The following DLGAP4 variants were observed in gnomAD, a reference collection of about 807,000 sequenced individuals.
DLGAP4 encodes disks large-associated protein 4.
Under a neutral mutation model 86.9 loss-of-function variants are expected in DLGAP4, and 18 were observed. The ratio of observed to expected loss-of-function variants is 0.21; its 90% CI spans 0.14 to 0.31. The LOEUF (loss-of-function observed/expected upper bound fraction) is 0.31. DLGAP4 is among the 10% of genes least tolerant of loss of function. The pLI is 1.00. For synonymous variants in DLGAP4, 548 were observed against 574.3 expected, an observed-to-expected ratio of 0.95 and a Z score of 0.65; for missense variants, 1,085 against 1,362.6, an observed-to-expected ratio of 0.80 and a Z score of 3.21.
intron 11 of DLGAP4, among the ~76,000 whole-genome samples, chr20:36,524,851 G>A (rs1040715074): frequency 6.6e-6 from 1 of 151,950 alleles, no homozygotes; most frequent in African/African-American, 2.4e-5. Context: ...GTGGTGAGCC[G>A]AGATCGTGCC....
chr20:36,446,593 AC>A, intron 6 of DLGAP4, 103 bp from the exon 7 acceptor site: 2 of 1,097,656 alleles, frequency 1.8e-6, no homozygotes, highest in South Asian at 1.5e-5. Context: ...CTGAGGTCAG[AC>A]CCCACAGACT....
intron 5 of DLGAP4, among the ~76,000 whole-genome samples, chr20:36,441,016 C>T (rs2033431849): frequency 6.6e-6 from 1 of 152,078 alleles, no homozygotes; most frequent in African/African-American, 2.4e-5. Flanking sequence ...GCCCAGGGAG[C>T]CCCCTGCCCC....
intron 2 of DLGAP4, among the ~76,000 whole-genome samples, chr20:36,420,110 AC>A (rs2032780037): frequency 1.3e-5 from 2 of 152,020 alleles, no homozygotes; most frequent in Non-Finnish European, 2.9e-5. Flanking sequence ...AAACTTAACT[AC>A]CCTGTAGCTG....
intron 1 of DLGAP4, among the ~76,000 whole-genome samples, chr20:36,351,221 T>C (rs1555893438): frequency 6.6e-6 from 1 of 152,208 alleles, no homozygotes; most frequent in Non-Finnish European, 1.5e-5. Flanking sequence ...GGGCAAGACC[T>C]GGGGTGTCAT....
At chr20:36,428,613 T>G (rs1382431187) in intron 2 of DLGAP4, among the ~76,000 whole-genome samples, 1 of 152,144 alleles carries the variant, frequency 6.6e-6, no homozygotes, top group East Asian at 1.9e-4. Context: ...CCCCACACTG[T>G]CCCCTTTCTT....
intron 1 of DLGAP4, among the ~76,000 whole-genome samples, chr20:36,309,014 G>C (rs1216966085): frequency 7.3e-6 from 1 of 136,742 alleles, no homozygotes; most frequent in Non-Finnish European, 1.6e-5. Context: ...CTCCCTCTTT[G>C]GCTCGGGTCC....
intron 2 of DLGAP4, among the ~76,000 whole-genome samples, chr20:36,427,633 C>G (rs757631377): frequency 3.0e-4 from 45 of 151,980 alleles, no homozygotes; most frequent in Non-Finnish European, 4.4e-5. Flanking sequence ...TTAATTTCTC[C>G]TCAGTTTTTT....
At position 36,401,326 on chromosome 20, in the gene DLGAP4, G is replaced by A. The variant is rs114071832; in HGVS notation, c.-72-30320G>A. On this transcript the variant is annotated intron_variant, in intron 2 of 12. Transcript: ENST00000339266. ...ATTTTATTCCATTCCAAGCAGTCCC[G>A]GGCAGAATATCAATTAGCATCCAGC... 6.7e-3 allele frequency among the ~76,000 whole-genome samples: 1,019 copies of A among 152,256 alleles called. 14 individuals are homozygous for A. The highest frequency in any genetic ancestry group is 0.024 in the African/African-American group (978 of 41,546).
intron 1 of DLGAP4, among the ~76,000 whole-genome samples, chr20:36,320,004 C>G (rs1555890362): frequency 6.6e-6 from 1 of 150,402 alleles, no homozygotes; most frequent in African/African-American, 2.4e-5. Flanking sequence ...TGTCCCTCTC[C>G]TCCAGGCCTC....
intron 7 of DLGAP4, among the ~76,000 whole-genome samples, chr20:36,471,101 C>T (rs886528718): frequency 1.3e-5 from 2 of 152,084 alleles, no homozygotes; most frequent in Non-Finnish European, 2.9e-5. Context: ...AAAGGCACCC[C>T]GCCTTCACCC....
intron 11 of DLGAP4, among the ~76,000 whole-genome samples, chr20:36,524,669 G>A (rs2037595058): frequency 6.6e-6 from 1 of 152,202 alleles, no homozygotes; most frequent in Non-Finnish European, 1.5e-5. Context: ...TTGGGAGGCT[G>A]AGGCGGGTGG....
In DLGAP4 at chr20:36,307,132, T is replaced by C. The variant is rs533202564; in HGVS notation, c.-304+620T>C. ...GGCAGCACCCCCCTCCCGCGCTGCA[T>C]AGCGCCCCCTCCCTGTTTGCGTCCC... On this transcript the variant is annotated intron_variant, in intron 1 of 12. Transcript: ENST00000339266. Among the ~76,000 whole-genome samples, 67 of 152,074 alleles carry C rather than the reference T, an allele frequency of 4.4e-4. 1 individual carries two copies. In the South Asian group the frequency reaches 0.014, roughly 32 times the overall value.
intron 7 of DLGAP4, among the ~76,000 whole-genome samples, chr20:36,479,544 C>G (rs1409206620): frequency 6.6e-6 from 1 of 151,952 alleles, no homozygotes; most frequent in Non-Finnish European, 1.5e-5. Flanking sequence ...AGGGCAGGGG[C>G]CTGGGAAGAC....
At chr20:36,501,088 G>A (rs142115282) in intron 10 of DLGAP4, among the ~76,000 whole-genome samples, 52 of 142,756 alleles carry the variant, frequency 3.6e-4, no homozygotes, top group African/African-American at 1.3e-3. Context: ...TTTTTGAGAC[G>A]GAGTCTTGCT....
intron 7 of DLGAP4, among the ~76,000 whole-genome samples, chr20:36,457,989 G>C (rs374810090): frequency 3.9e-5 from 6 of 152,114 alleles, no homozygotes; most frequent in Non-Finnish European, 7.4e-5. Flanking sequence ...CGCTCCAGGC[G>C]GGGGGTGAGT....
chr20:36,525,543 T>A, intron 11 of DLGAP4: 1 of 433,734 alleles, frequency 2.3e-6, no homozygotes, highest in Non-Finnish European at 4.3e-6. Flanking sequence ...TGTCACACCA[T>A]GGCCAAGAAC....
chr20:36,357,017 G>A (rs1178860612), intron 1 of DLGAP4, among the ~76,000 whole-genome samples: 5 of 151,970 alleles, frequency 3.3e-5, no homozygotes, highest in South Asian at 2.1e-4. Context: ...CCTGGATCTC[G>A]CCACCCACCT....
intron 1 of DLGAP4, among the ~76,000 whole-genome samples, chr20:36,321,650 C>T (rs1392743730): frequency 2.6e-5 from 4 of 152,198 alleles, no homozygotes; most frequent in Admixed American, 2.6e-4. Flanking sequence ...GACCTTCTCA[C>T]TCCTACTTAT....
At chr20:36,365,496 G>C (rs1222923728) in intron 1 of DLGAP4, among the ~76,000 whole-genome samples, 1 of 152,144 alleles carries the variant, frequency 6.6e-6, no homozygotes, top group Admixed American at 6.5e-5. Context: ...TGTTTTTCTT[G>C]GTTTGGTGAT....
Sources: gnomAD v4.1 joint callset for allele counts (sites outside exome capture counted in the v4.1 genomes callset) on GRCh38, gnomAD v4.1.1 for gene constraint, MANE v1.5 for transcripts, NCBI Gene and HGNC (gene_info 2026-07-23, HGNC 2026-07-21) for gene names.